DIAPH2: variants seen among roughly 807,000 people sequenced by gnomAD.
The protein encoded by DIAPH2 is diaphanous related formin 2.
Under a neutral mutation model 92.7 loss-of-function variants are expected in DIAPH2, and 35 were observed. The observed-to-expected ratio is 0.38, with a 90% confidence interval of 0.29 to 0.50. DIAPH2 has a LOEUF of 0.50. Ranked by LOEUF, DIAPH2 falls within the 20% of genes least tolerant of loss-of-function variation. The probability of loss-of-function intolerance (pLI) is 0.94; values close to 1 mark genes in which losing one functional copy is unlikely to be tolerated. For missense variants in DIAPH2, 701 were observed against 819.5 expected, an observed-to-expected ratio of 0.86 and a Z score of 1.77; for synonymous variants, 301 against 280.4, an observed-to-expected ratio of 1.07 and a Z score of -0.73.
At chrX:97,143,147 A>G (rs988529097) in intron 22 of DIAPH2, among the ~76,000 whole-genome samples, 4 of 111,693 alleles carry the variant, frequency 3.6e-5, no homozygotes, top group Non-Finnish European at 7.5e-5. Flanking sequence ...TTACAACTAT[A>G]ATGGCAACTT....
At chrX:97,287,724 A>T (rs1208215498) in intron 23 of DIAPH2, among the ~76,000 whole-genome samples, 30 of 87,063 alleles carry the variant, frequency 3.4e-4, no homozygotes, top group South Asian at 3.4e-3. Context: ...TCAATTATTT[A>T]AAAAAAAAAA....
chrX:96,946,935 C>T (rs1325767298), intron 14 of DIAPH2, among the ~76,000 whole-genome samples: 2 of 111,657 alleles, frequency 1.8e-5, no homozygotes, highest in African/African-American at 6.5e-5. Flanking sequence ...CATGCATCCC[C>T]TTGTTCTGGG....
At chrX:97,231,415 G>C (rs1011153592) in intron 22 of DIAPH2, among the ~76,000 whole-genome samples, 6 of 110,360 alleles carry the variant, frequency 5.4e-5, no homozygotes, top group African/African-American at 1.6e-4. Context: ...TTATGTATTT[G>C]TATCTGAAAA....
At chrX:97,238,105 A>T (rs887092747) in intron 22 of DIAPH2, among the ~76,000 whole-genome samples, 3 of 112,269 alleles carry the variant, frequency 2.7e-5, no homozygotes, top group African/African-American at 6.5e-5. Context: ...GGATTCTTCA[A>T]GGGGCAGCTT....
At chrX:96,883,711 C>T (rs1010196864) in intron 5 of DIAPH2, among the ~76,000 whole-genome samples, 1 of 110,823 alleles carries the variant, frequency 9.0e-6, no homozygotes, top group Non-Finnish European at 1.9e-5. Flanking sequence ...TTTGAATGAA[C>T]AGGGGACGTG....
intron 26 of DIAPH2, among the ~76,000 whole-genome samples, chrX:97,532,311 T>G (rs948988163): frequency 2.6e-5 from 3 of 113,291 alleles, no homozygotes; most frequent in African/African-American, 9.6e-5. Context: ...ATAATATTTC[T>G]GAAAAGCTAG....
chrX:96,757,519 A>C (rs2064239150), intron 3 of DIAPH2, among the ~76,000 whole-genome samples: 1 of 112,555 alleles, frequency 8.9e-6, no homozygotes, highest in Admixed American at 9.4e-5. Context: ...AAGTGTTATA[A>C]GTGTATATAT....
chrX:96,954,207 T>G (rs1266804354), intron 15 of DIAPH2: 1 of 111,897 alleles, frequency 8.9e-6, no homozygotes, highest in African/African-American at 3.3e-5. Flanking sequence ...TTGGCTGCCT[T>G]AATTAGTTTT....
At chrX:96,897,951 C>T (rs2065358521) in intron 5 of DIAPH2, among the ~76,000 whole-genome samples, 1 of 83,337 alleles carries the variant, frequency 1.2e-5, no homozygotes, top group Non-Finnish European at 2.3e-5. Context: ...GTTCAATTCC[C>T]ACCTATGAGT....
At chrX:97,552,488 C>CCTCA (rs2071227049) in intron 26 of DIAPH2, among the ~76,000 whole-genome samples, 2 of 111,267 alleles carry the variant, frequency 1.8e-5, no homozygotes, top group African/African-American at 6.5e-5. Flanking sequence ...GCTCTGGAAT[C>CCTCA]AACACCTCAA....
chrX:97,541,414 A>G (rs2071139305), intron 26 of DIAPH2, among the ~76,000 whole-genome samples: 1 of 111,035 alleles, frequency 9.0e-6, no homozygotes, highest in South Asian at 3.7e-4. Flanking sequence ...AGCTAGGAGA[A>G]GGGAAAGCAA....
At position 97,357,716 on chromosome X, in the gene DIAPH2, T is replaced by C. The variant is rs1368449808; in HGVS notation, c.3009+9436T>C. 3.6e-5 allele frequency among the ~76,000 whole-genome samples: 4 copies of C among 111,781 alleles called. No homozygotes were observed. In the East Asian group the frequency reaches 8.4e-4, roughly 24 times the overall value. The stretch of plus-strand genomic sequence containing the variant: ...CTTAATGAATTAATAGAACAATGAG[T>C]GAATCAAACAAAAAATCAAAATATT... On this transcript the variant is annotated intron_variant, in intron 24 of 26. Coordinates refer to ENST00000324765, the MANE Select transcript of DIAPH2 (RefSeq NM_006729.5).
intron 4 of DIAPH2, among the ~76,000 whole-genome samples, chrX:96,849,859 G>A (rs989064431): frequency 2.7e-5 from 3 of 111,911 alleles, no homozygotes; most frequent in Non-Finnish European, 3.8e-5. Flanking sequence ...TCAGAAGAGC[G>A]TAGTAACCTT....
rs1260689219 is a variant in DIAPH2 at position 97,602,383 on chromosome X, G to A, written c.*3066G>A. 8.9e-6 allele frequency: 1 copy of A among 112,333 alleles called. No homozygotes were observed. The highest frequency in any genetic ancestry group is 1.9e-5 in the Non-Finnish European group (1 of 53,271). 9.3% of individuals were successfully genotyped at this position (112,333 alleles called of 1,213,427 possible). A position where few individuals can be genotyped will look rare whatever the true frequency, so the allele number is the denominator to read the frequency against. On this transcript the variant is annotated 3_prime_UTR_variant, in exon 27 of 27. Coordinates refer to ENST00000324765, the MANE Select transcript of DIAPH2 (RefSeq NM_006729.5). Reference sequence around the variant, plus strand: ...AAACTCTGGGTATGGTCTTTCCTGAGGCCAAATTCCTCTTCCTCTGAGAAC... The same window carrying A: ...AAACTCTGGGTATGGTCTTTCCTGAAGCCAAATTCCTCTTCCTCTGAGAAC...
intron 1 of DIAPH2, among the ~76,000 whole-genome samples, chrX:96,702,584 AT>A (rs1209254186): frequency 8.9e-6 from 1 of 112,056 alleles, no homozygotes; most frequent in African/African-American, 3.2e-5. Context: ...AAGTGCAGAG[AT>A]TTTTTTTAAA....
chrX:97,136,062 T>A (rs2067168497), intron 21 of DIAPH2, among the ~76,000 whole-genome samples: 1 of 112,107 alleles, frequency 8.9e-6, no homozygotes, highest in African/African-American at 3.2e-5. Flanking sequence ...CTTTTCTAGA[T>A]GCTGAGTATA....
intron 21 of DIAPH2, among the ~76,000 whole-genome samples, chrX:97,132,217 GT>G (rs1320298773): frequency 2.7e-5 from 3 of 111,041 alleles, no homozygotes; most frequent in Non-Finnish European, 5.7e-5. Context: ...TTTCCTTTTG[GT>G]TGGAAATATC....
At chrX:96,984,795 T>G (rs1438744379) in intron 17 of DIAPH2, among the ~76,000 whole-genome samples, 1 of 111,728 alleles carries the variant, frequency 9.0e-6, no homozygotes, top group Non-Finnish European at 1.9e-5. Flanking sequence ...GCTGTTTATT[T>G]AAACAGGAGC....
At chrX:97,410,799 C>G (rs5921813) in intron 25 of DIAPH2, among the ~76,000 whole-genome samples, 6,704 of 111,475 alleles carry the variant, frequency 0.06, 185 homozygotes, top group African/African-American at 0.12. Context: ...GGAAGAAAGG[C>G]TATCAGTGAT....
Sources: gnomAD v4.1 joint callset for allele counts (sites outside exome capture counted in the v4.1 genomes callset) on GRCh38, gnomAD v4.1.1 for gene constraint, MANE v1.5 for transcripts, NCBI Gene and HGNC (gene_info 2026-07-23, HGNC 2026-07-21) for gene names.